Variants in CNOT6 observed in about 807,000 individuals in gnomAD.
CNOT6 encodes the protein CCR4-NOT transcription complex subunit 6.
A neutral mutation model predicts 61.2 loss-of-function variants in CNOT6; 12 were observed. The observed-to-expected ratio is 0.20, with a 90% CI of 0.13 to 0.32. The LOEUF (loss-of-function observed/expected upper bound fraction) is 0.32, where lower values mean the gene tolerates loss of function less well. CNOT6 is among the 10% of genes least tolerant of loss of function. The probability of loss-of-function intolerance (pLI) is 1.00; values close to 1 mark genes in which losing one functional copy is unlikely to be tolerated. For synonymous variants in CNOT6, 225 were observed against 240.6 expected, an observed-to-expected ratio of 0.94 and a Z score of 0.60; for missense variants, 405 against 663.9, an observed-to-expected ratio of 0.61 and a Z score of 4.28.
At chr5:180,494,859 C>T (rs1476683568) in intron 1 of CNOT6, 96 bp downstream of exon 1, 3 of 152,034 alleles carry the variant, frequency 2.0e-5, no homozygotes, top group African/African-American at 7.2e-5. Context: ...TCGCGGGCAA[C>T]TTTCGTTTCG....
At chr5:180,529,212 A>G in intron 1 of CNOT6, 63 bp from the exon 2 acceptor site, 2 of 868,924 alleles carry the variant, frequency 2.3e-6, no homozygotes, top group Non-Finnish European at 3.7e-6. Context: ...AAAAAAAAAA[A>G]AGGTGTTGTG....
intron 1 of CNOT6, among the ~76,000 whole-genome samples, chr5:180,507,001 G>C (rs1341338304): frequency 6.6e-6 from 1 of 152,206 alleles, no homozygotes; most frequent in African/African-American, 2.4e-5. Context: ...GTTTAGCATA[G>C]CTCAGAGCTG....
chr5:180,560,348 T>C (rs1279070815), intron 4 of CNOT6, among the ~76,000 whole-genome samples: 4 of 152,318 alleles, frequency 2.6e-5, no homozygotes, highest in South Asian at 2.1e-4. Flanking sequence ...CCAAAGTCCT[T>C]CTTTTATCAT....
chr5:180,542,493 G>C lies in CNOT6; in HGVS notation c.113-7438G>C, dbSNP rs987121553. On this transcript the variant is annotated intron_variant, in intron 2 of 11. Coordinates refer to ENST00000261951, the MANE Select transcript of CNOT6 (RefSeq NM_001370472.1). ...TTGACCAGGCTTGTCTCGAACTCCT[G>C]ACCTCAAATGATCCACCCACCTTGG... is the stretch of plus-strand genomic sequence containing the variant. Among the ~76,000 whole-genome samples, 15 of 152,248 alleles carry C rather than the reference G, an allele frequency of 9.9e-5. No individual in the cohort carries two copies. In the South Asian group the frequency reaches 2.3e-3, roughly 23 times the overall value.
At chr5:180,494,992 A>ACGGCGG (rs559918120) in intron 1 of CNOT6, among the ~76,000 whole-genome samples, 2 of 145,908 alleles carry the variant, frequency 1.4e-5, no homozygotes, top group East Asian at 2.2e-4. Flanking sequence ...GCGTTGATTG[A>ACGGCGG]CGGCGGCGGC....
chr5:180,502,005 G>A (rs371405140), intron 1 of CNOT6, among the ~76,000 whole-genome samples: 1 of 152,134 alleles, frequency 6.6e-6, no homozygotes, highest in South Asian at 2.1e-4. Context: ...GGGAGGTTAA[G>A]ATGAAGAAGG....
rs1227903723 is a variant in CNOT6, at chr5:180,538,669, CTCTG to C, written c.112+9286_112+9289del. On this transcript the variant is annotated intron_variant, in intron 2 of 11. Coordinates refer to ENST00000261951, the MANE Select transcript of CNOT6 (RefSeq NM_001370472.1). ...CACCAGCCTGGGCGACAGAGCGAGA[CTCTG>C]TCTGAGAAAAAGGTATATATATATA... Among the ~76,000 whole-genome samples the C allele has an allele frequency of 2.2e-5, 3 of 136,306 alleles. No individual in the cohort carries two copies. In the Admixed American group the frequency reaches 2.3e-4, roughly 10 times the overall value. The allele number at this position is 136,306 out of a possible 152,430, so 89.4% of individuals were successfully genotyped here. A position where few individuals can be genotyped will look rare whatever the true frequency, so the allele number is the denominator to read the frequency against.
At chr5:180,552,510 G>A (rs998465936) in intron 3 of CNOT6, among the ~76,000 whole-genome samples, 5 of 151,920 alleles carry the variant, frequency 3.3e-5, no homozygotes, top group South Asian at 4.1e-4. Flanking sequence ...GCTGGGTGTG[G>A]TGGCAGGCAC....
At chr5:180,527,235 ATTTG>A (rs1297496212) in intron 1 of CNOT6, among the ~76,000 whole-genome samples, 3 of 152,218 alleles carry the variant, frequency 2.0e-5, no homozygotes, top group African/African-American at 4.8e-5. Context: ...GAAAAACCAG[ATTTG>A]TTTAAGTTGG....
At chr5:180,525,264 C>T (rs541668638) in intron 1 of CNOT6, among the ~76,000 whole-genome samples, 8 of 152,180 alleles carry the variant, frequency 5.3e-5, no homozygotes, top group East Asian at 1.9e-4. Context: ...AGGCCGGGTG[C>T]GGTGGCTCAT....
intron 8 of CNOT6, 79 bp downstream of exon 8, chr5:180,567,321 C>G (rs1760514388): frequency 1.6e-6 from 2 of 1,246,524 alleles, no homozygotes; most frequent in African/African-American, 1.5e-5. Context: ...AACTAATTGG[C>G]AAATGAGAGA....
chr5:180,554,233 C>CAT (rs1449883054), intron 4 of CNOT6, among the ~76,000 whole-genome samples: 2 of 152,118 alleles, frequency 1.3e-5, no homozygotes, highest in Non-Finnish European at 2.9e-5. Context: ...GCATGAGCAA[C>CAT]ATGGCAAAAC....
intron 2 of CNOT6, among the ~76,000 whole-genome samples, chr5:180,542,496 C>G (rs1425260690): frequency 6.6e-6 from 1 of 152,182 alleles, no homozygotes; most frequent in Non-Finnish European, 1.5e-5. Flanking sequence ...AACTCCTGAC[C>G]TCAAATGATC....
chr5:180,511,842 G>T (rs1757413666), intron 1 of CNOT6, among the ~76,000 whole-genome samples: 1 of 152,034 alleles, frequency 6.6e-6, no homozygotes, highest in Admixed American at 6.6e-5. Flanking sequence ...GGCTGGCCTT[G>T]AACTCCTGGG....
intron 1 of CNOT6, among the ~76,000 whole-genome samples, chr5:180,505,648 C>T (rs563904488): frequency 2.8e-4 from 42 of 150,244 alleles, no homozygotes; most frequent in Admixed American, 1.3e-3. Context: ...CCCAGGTTTA[C>T]GCCATTCTCC....
rs375569339 is a variant in CNOT6, at chr5:180,562,777, G to A, written c.386-1712G>A. ...AGAAAAAGAAAACAGCATCACTGTA[G>A]GTCTGGTTAGAATGAGCTGTTTACC... is the stretch of plus-strand genomic sequence containing the variant. On this transcript the variant is annotated intron_variant, in intron 4 of 11. Coordinates refer to ENST00000261951, the MANE Select transcript of CNOT6 (RefSeq NM_001370472.1). Among the ~76,000 whole-genome samples, 7 of 152,202 alleles carry A rather than the reference G, an allele frequency of 4.6e-5. No homozygotes were observed. In the East Asian group the frequency reaches 9.7e-4, roughly 21 times the overall value.
At chr5:180,573,012 T>G (rs1760826840) in intron 11 of CNOT6, among the ~76,000 whole-genome samples, 1 of 152,228 alleles carries the variant, frequency 6.6e-6, no homozygotes, top group South Asian at 2.1e-4. Flanking sequence ...CCTTTGCACC[T>G]TAGAGCATAG....
chr5:180,543,661 A>C (rs1759157246), intron 2 of CNOT6, among the ~76,000 whole-genome samples: 1 of 152,178 alleles, frequency 6.6e-6, no homozygotes. Flanking sequence ...ATTTTAGTAG[A>C]TATTACCAGA....
chr5:180,499,008 T>G (rs1276013494), intron 1 of CNOT6, among the ~76,000 whole-genome samples: 5 of 152,048 alleles, frequency 3.3e-5, no homozygotes, highest in Non-Finnish European at 5.9e-5. Context: ...CCAGGCTGGC[T>G]TTAAACTCCT....
Sources: gnomAD v4.1 joint callset for allele counts (sites outside exome capture counted in the v4.1 genomes callset) on GRCh38, gnomAD v4.1.1 for gene constraint, MANE v1.5 for transcripts, NCBI Gene and HGNC (gene_info 2026-07-23, HGNC 2026-07-21) for gene names.